SLC35D4: variants seen among roughly 807,000 people sequenced by gnomAD.
SLC35D4 encodes solute carrier family 35 member D4.
At chr18:23,275,592 G>GGTGCGGTGCGGTGC in the SLC35D4 span, among the ~76,000 whole-genome samples, 1 of 142,820 alleles carries the variant, frequency 7.0e-6, no homozygotes, top group East Asian at 2.1e-4. Flanking sequence ...GGGTCAGAAA[G>GGTGCGGTGCGGTGC]AGTGCTGTGC....
the SLC35D4 span, among the ~76,000 whole-genome samples, chr18:23,317,565 AT>A: frequency 1.3e-5 from 2 of 152,238 alleles, no homozygotes; most frequent in Non-Finnish European, 2.9e-5. Flanking sequence ...ACAGAAATAC[AT>A]GCAAAGAGCA....
chr18:23,325,465 CG>C, the SLC35D4 span, among the ~76,000 whole-genome samples: 1 of 152,010 alleles, frequency 6.6e-6, no homozygotes, highest in Non-Finnish European at 1.5e-5. Flanking sequence ...TGAGTGTGGC[CG>C]CATGATTCCT....
chr18:23,355,478 T>G, the SLC35D4 span, among the ~76,000 whole-genome samples: 20 of 152,316 alleles, frequency 1.3e-4, no homozygotes, highest in African/African-American at 4.6e-4. Context: ...GGGCAAGGCC[T>G]AACCAATTGA....
the SLC35D4 span, among the ~76,000 whole-genome samples, chr18:23,317,825 C>A: frequency 2.0e-5 from 3 of 152,130 alleles, no homozygotes; most frequent in African/African-American, 7.2e-5. Context: ...CTGCAACCTC[C>A]GCCTCCACGG....
chr18:23,382,255 A>AAAG, the SLC35D4 span, among the ~76,000 whole-genome samples: 672 of 151,042 alleles, frequency 4.4e-3, 2 homozygotes, highest in African/African-American at 0.016. Context: ...AAAAAAAAAA[A>AAAG]AAAGAAAGAA....
the SLC35D4 span, among the ~76,000 whole-genome samples, chr18:23,337,469 C>T: frequency 1.9e-4 from 28 of 148,206 alleles, no homozygotes; most frequent in African/African-American, 6.0e-4. Context: ...AGCAAGACTC[C>T]GTCTCAAAAA....
chr18:23,365,570 G>A, the SLC35D4 span: 1 of 1,572,382 alleles, frequency 6.4e-7, no homozygotes, highest in South Asian at 1.1e-5. Context: ...CTGAGAGACA[G>A]GCTCACTGGG....
the SLC35D4 span, among the ~76,000 whole-genome samples, chr18:23,416,511 C>T: frequency 6.6e-6 from 1 of 152,188 alleles, no homozygotes; most frequent in African/African-American, 2.4e-5. Flanking sequence ...GAAAGAGCAG[C>T]CACAGCAAAT....
At chr18:23,322,496 T>C in the SLC35D4 span, among the ~76,000 whole-genome samples, 1 of 152,232 alleles carries the variant, frequency 6.6e-6, no homozygotes, top group Non-Finnish European at 1.5e-5. Flanking sequence ...GGCACAGTTA[T>C]GCTAAAGGTG....
At chr18:23,378,393 T>C in the SLC35D4 span, among the ~76,000 whole-genome samples, 2 of 151,936 alleles carry the variant, frequency 1.3e-5, no homozygotes, top group Non-Finnish European at 2.9e-5. Context: ...TCCAGCTGAC[T>C]CAGAGCAGTC....
the SLC35D4 span, chr18:23,365,773 A>T: frequency 2.4e-6 from 3 of 1,273,210 alleles, no homozygotes; most frequent in African/African-American, 4.4e-5. Context: ...CTAAAAGCAA[A>T]TTATCTGCAC....
the SLC35D4 span, among the ~76,000 whole-genome samples, chr18:23,397,465 G>A: frequency 6.6e-6 from 1 of 152,200 alleles, no homozygotes; most frequent in African/African-American, 2.4e-5. Flanking sequence ...TGGGCTGGAT[G>A]TGAAAAGAAA....
chr18:23,379,940 AT>A, the SLC35D4 span, among the ~76,000 whole-genome samples: 3 of 151,998 alleles, frequency 2.0e-5, no homozygotes, highest in Non-Finnish European at 4.4e-5. Flanking sequence ...TACTAAAAAT[AT>A]CAAAAATTAG....
chr18:23,413,479 C>T, the SLC35D4 span, among the ~76,000 whole-genome samples: 41,139 of 152,106 alleles, frequency 0.27, 6,652 homozygotes, highest in Non-Finnish European at 0.36. Flanking sequence ...GGCTGTTACC[C>T]TGTACCCTCC....
At chr18:23,386,179 C>T in the SLC35D4 span, among the ~76,000 whole-genome samples, 1 of 148,330 alleles carries the variant, frequency 6.7e-6, no homozygotes, top group South Asian at 2.2e-4. Context: ...AAGACATCCA[C>T]ATTCCAATCC....
At chr18:23,243,240 A>AG in the SLC35D4 span, among the ~76,000 whole-genome samples, 1 of 151,872 alleles carries the variant, frequency 6.6e-6, no homozygotes, top group African/African-American at 2.4e-5. Flanking sequence ...AGTTCTGAGG[A>AG]GGGGGCCTCT....
chr18:23,414,273 A>C, the SLC35D4 span, among the ~76,000 whole-genome samples: 1 of 138,278 alleles, frequency 7.2e-6, no homozygotes, highest in Non-Finnish European at 1.6e-5. Context: ...GAAAAGAAAA[A>C]AAAGAAAAAG....
the SLC35D4 span, among the ~76,000 whole-genome samples, chr18:23,269,818 T>C: frequency 1.3e-5 from 2 of 152,204 alleles, no homozygotes; most frequent in Non-Finnish European, 2.9e-5. Flanking sequence ...CCTAGAGATC[T>C]GTGGAACTTT....
At chr18:23,239,988 C>T in the SLC35D4 span, among the ~76,000 whole-genome samples, 2 of 152,116 alleles carry the variant, frequency 1.3e-5, no homozygotes, top group African/African-American at 4.8e-5. Flanking sequence ...TGTGGTGTTG[C>T]GCGCCTGTAG....
Sources: gnomAD v4.1 joint callset for allele counts (sites outside exome capture counted in the v4.1 genomes callset) on GRCh38, gnomAD v4.1.1 for gene constraint, MANE v1.5 for transcripts, NCBI Gene and HGNC (gene_info 2026-07-23, HGNC 2026-07-21) for gene names.